NOX4: variants seen among roughly 807,000 people sequenced by gnomAD.
The protein encoded by NOX4 is kidney oxidase-1.
Under a neutral mutation model 87.6 loss-of-function variants are expected in NOX4, and 69 were observed. The ratio of observed to expected loss-of-function variants is 0.79; its 90% CI spans 0.65 to 0.96. The LOEUF (loss-of-function observed/expected upper bound fraction) is 0.96, where lower values mean the gene tolerates loss of function less well. NOX4 is among the 40% of genes least tolerant of loss of function. NOX4 has a pLI of 0.00. For synonymous variants in NOX4, 275 were observed against 238.2 expected (o/e 1.15, Z -1.42); for missense variants, 680 against 681.5 (o/e 1.00, Z 0.02).
intron 13 of NOX4, among the ~76,000 whole-genome samples, chr11:89,354,288 A>G (rs1937817875): frequency 6.6e-6 from 1 of 152,162 alleles, no homozygotes; most frequent in African/African-American, 2.4e-5. Context: ...CCAAGATGCC[A>G]CAGGAATGAT....
Position 89,486,573 on chromosome 11 carries a change from T to C in NOX4, c.153+3885A>G, listed in dbSNP as rs552024035. On this transcript the variant is annotated intron_variant, in intron 2 of 17. Transcript: ENST00000263317. ...GTGTATATATGTGTATATATACATA[T>C]ATATGTGTGTATATATGTGTATATA... Among the ~76,000 whole-genome samples the C allele has an allele frequency of 5.3e-3, 738 of 139,058 alleles. 19 individuals are homozygous for C. The highest frequency in any genetic ancestry group is 0.02 in the African/African-American group (699 of 34,910). The allele number at this position is 139,058 out of a possible 152,430, so 91.2% of individuals were successfully genotyped here. A position where few individuals can be genotyped will look rare whatever the true frequency, so the allele number is the denominator to read the frequency against.
chr11:89,366,255 T>C (rs1183280122), intron 12 of NOX4, among the ~76,000 whole-genome samples: 5 of 152,058 alleles, frequency 3.3e-5, no homozygotes, highest in Non-Finnish European at 7.4e-5. Context: ...TAACAGAGAC[T>C]CTAAGCAACT....
intron 6 of NOX4, among the ~76,000 whole-genome samples, chr11:89,434,271 A>G (rs1165940192): frequency 6.6e-6 from 1 of 152,036 alleles, no homozygotes; most frequent in East Asian, 1.9e-4. Context: ...CTTATAAAGC[A>G]CCACATGAAA....
intron 11 of NOX4, among the ~76,000 whole-genome samples, chr11:89,399,438 T>TATATAA (rs1178879621): frequency 0.041 from 3,633 of 89,028 alleles, 133 homozygotes; most frequent in African/African-American, 0.066. Context: ...ATTAAATATA[T>TATATAA]ATATATATAT....
intron 7 of NOX4, among the ~76,000 whole-genome samples, chr11:89,424,585 T>C (rs1012985472): frequency 6.6e-6 from 1 of 151,994 alleles, no homozygotes; most frequent in African/African-American, 2.4e-5. Context: ...TTTTATATTT[T>C]TTAATTCTAC....
At chr11:89,428,184 C>G (rs1233847237) in intron 7 of NOX4, among the ~76,000 whole-genome samples, 1 of 152,114 alleles carries the variant, frequency 6.6e-6, no homozygotes, top group African/African-American at 2.4e-5. Context: ...GATTTTGGCA[C>G]CACCAGGCCT....
intron 17 of NOX4, among the ~76,000 whole-genome samples, chr11:89,329,387 A>C (rs1945368325): frequency 6.7e-6 from 1 of 150,146 alleles, no homozygotes; most frequent in Non-Finnish European, 1.5e-5. Flanking sequence ...AACAGAGCAT[A>C]AGTGGCCTGT....
At chr11:89,478,452 T>C (rs1946256478) in intron 2 of NOX4, among the ~76,000 whole-genome samples, 1 of 152,168 alleles carries the variant, frequency 6.6e-6, no homozygotes, top group Admixed American at 6.5e-5. Context: ...CATGTTCTTT[T>C]CATGACATCA....
chr11:89,350,283 C>T (rs1590989487), intron 13 of NOX4, among the ~76,000 whole-genome samples: 1 of 152,262 alleles, frequency 6.6e-6, no homozygotes, highest in South Asian at 2.1e-4. Context: ...AATGCCTTTC[C>T]TTTAAACATA....
In NOX4 at chr11:89,409,273, G is replaced by C. The variant is rs560134249; in HGVS notation, c.630-6731C>G. Among the ~76,000 whole-genome samples the C allele has an allele frequency of 1.1e-3, 171 of 152,040 alleles. 2 individuals are homozygous for C. The highest frequency in any genetic ancestry group is 3.9e-3 in the African/African-American group (162 of 41,480). On this transcript the variant is annotated intron_variant, in intron 8 of 17. Coordinates refer to ENST00000263317, the MANE Select transcript of NOX4 (RefSeq NM_016931.5). Reference sequence around the variant, plus strand: ...TCCTTTCCCCCAACTTTCTCATCTTGTAATACCAGCTGTGAACACTGGCTA... The same window carrying C: ...TCCTTTCCCCCAACTTTCTCATCTTCTAATACCAGCTGTGAACACTGGCTA...
the NOX4 span, among the ~76,000 whole-genome samples, chr11:89,552,878 T>C: frequency 2.0e-5 from 3 of 152,300 alleles, no homozygotes; most frequent in East Asian, 5.8e-4. Flanking sequence ...CACATGTGTT[T>C]ATTACACATC....
chr11:89,585,096 G>A, the NOX4 span, among the ~76,000 whole-genome samples: 1 of 152,074 alleles, frequency 6.6e-6, no homozygotes, highest in Non-Finnish European at 1.5e-5. Flanking sequence ...CATCACCTGA[G>A]GCATTAGCTT....
Position 89,488,976 on chromosome 11 carries a change from T to C in NOX4, c.153+1482A>G, listed in dbSNP as rs1469304265. 7.1e-6 allele frequency: 5 copies of C among 702,744 alleles called. No homozygotes were observed. In the South Asian group the frequency reaches 7.4e-5, roughly 10 times the overall value. 43.5% of individuals were successfully genotyped at this position (702,744 alleles called of 1,614,324 possible). On this transcript the variant is annotated intron_variant, in intron 2 of 17. Transcript: ENST00000263317. ...TCTCTGGGTGCCCATCTGAAATGTATAGGTTTCAAGACAGTTCCTGGATTG... is the reference window on the plus strand; with the variant it reads ...TCTCTGGGTGCCCATCTGAAATGTACAGGTTTCAAGACAGTTCCTGGATTG...
At chr11:89,563,382 C>G in the NOX4 span, among the ~76,000 whole-genome samples, 198 of 152,126 alleles carry the variant, frequency 1.3e-3, 2 homozygotes, top group Middle Eastern at 3.4e-3. Flanking sequence ...TGATTTTATG[C>G]CACTCTTACT....
intron 2 of NOX4, among the ~76,000 whole-genome samples, chr11:89,480,357 A>G (rs532877024): frequency 3.9e-4 from 59 of 152,266 alleles, no homozygotes; most frequent in Admixed American, 1.2e-3. Context: ...TTGTGAAATG[A>G]TAGGAGACAA....
chr11:89,496,513 G>C (rs1946952910), upstream of NOX4, among the ~76,000 whole-genome samples: 1 of 151,472 alleles, frequency 6.6e-6, no homozygotes. Context: ...ATATGTATAT[G>C]AGAACATCAA....
chr11:89,344,964 T>C (rs971460790), intron 13 of NOX4, among the ~76,000 whole-genome samples: 2 of 152,154 alleles, frequency 1.3e-5, no homozygotes, highest in African/African-American at 2.4e-5. Context: ...TCTCTCTTCA[T>C]GTAGGAAAAA....
chr11:89,337,439 C>A lies in NOX4; in HGVS notation c.1515+8G>T, dbSNP rs774183929. On this transcript the variant is annotated splice_region_variant and intron_variant, in intron 16 of 17. Transcript: ENST00000263317. ...CTTGTTTAATTTACGATAACATCAA[C>A]CACATACCTGTATCCCATCTGTTTG... The A allele has an allele frequency of 1.9e-6, 3 of 1,611,610 alleles. No homozygotes were observed. The African/African-American group carries it at 4.0e-5, about 22-fold the overall frequency.
At chr11:89,532,312 C>G in the NOX4 span, among the ~76,000 whole-genome samples, 1 of 152,226 alleles carries the variant, frequency 6.6e-6, no homozygotes, top group Non-Finnish European at 1.5e-5. Flanking sequence ...AGAGGCAGAG[C>G]TACCCAAGGC....
Sources: allele counts gnomAD v4.1 joint callset (sites outside exome capture counted in the v4.1 genomes callset), GRCh38; gene constraint gnomAD v4.1.1; transcripts MANE v1.5; gene names NCBI Gene and HGNC (gene_info 2026-07-23, HGNC 2026-07-21).